The following SLC6A13 variants were observed in gnomAD, a reference collection of about 807,000 sequenced individuals.
SLC6A13 encodes the protein solute carrier family 6 member 13, also known as sodium- and chloride-dependent GABA transporter 2.
Under a neutral mutation model 72.9 loss-of-function variants are expected in SLC6A13, and 69 were observed. That is an observed-to-expected ratio of 0.95 (90% CI 0.78 to 1.16). SLC6A13 has a LOEUF of 1.16. Ranked by LOEUF, SLC6A13 falls within the 50% of genes most tolerant of loss-of-function variation. SLC6A13 has a pLI of 0.00. For missense variants in SLC6A13, 735 were observed against 760.5 expected, an observed-to-expected ratio of 0.97 and a Z score of 0.39; for synonymous variants, 303 against 303.0, an observed-to-expected ratio of 1.00 and a Z score of 0.00.
At chr12:229,130 GCA>G (rs1171383147) in intron 7 of SLC6A13, among the ~76,000 whole-genome samples, 1 of 152,192 alleles carries the variant, frequency 6.6e-6, no homozygotes, top group Admixed American at 6.5e-5. Flanking sequence ...GCAGCAAGAA[GCA>G]CAGAGGAGGA....
intron 6 of SLC6A13, among the ~76,000 whole-genome samples, chr12:236,167 A>T (rs1565496794): frequency 6.6e-6 from 1 of 152,172 alleles, no homozygotes; most frequent in Non-Finnish European, 1.5e-5. Flanking sequence ...GTTCCCTCAG[A>T]AGCATGTGAT....
chr12:240,115 T>TG (rs1942109704), intron 4 of SLC6A13, among the ~76,000 whole-genome samples: 1 of 152,154 alleles, frequency 6.6e-6, no homozygotes, highest in Non-Finnish European at 1.5e-5. Flanking sequence ...TCTGACAGGC[T>TG]GGTTGTCAAG....
intron 2 of SLC6A13, among the ~76,000 whole-genome samples, chr12:252,481 T>C (rs1228009370): frequency 6.6e-6 from 1 of 152,222 alleles, no homozygotes; most frequent in Admixed American, 6.5e-5. Flanking sequence ...ACTTTAACTA[T>C]GTGTGGTTTA....
intron 7 of SLC6A13, among the ~76,000 whole-genome samples, chr12:233,155 T>G (rs545411880): frequency 2.8e-4 from 43 of 152,298 alleles, no homozygotes; most frequent in Non-Finnish European, 4.6e-4. Flanking sequence ...GAGGAGGAGC[T>G]CTAGGTTGCA....
At chr12:251,063 G>A (rs1032499221) in intron 2 of SLC6A13, among the ~76,000 whole-genome samples, 1 of 151,804 alleles carries the variant, frequency 6.6e-6, no homozygotes, top group African/African-American at 2.4e-5. Flanking sequence ...GGCTGAGGCA[G>A]GAGAATTGCG....
chr12:226,501 G>A lies in SLC6A13; in HGVS notation c.949C>T (p.Leu317Phe), dbSNP rs145751682. 1.2e-6 allele frequency: 2 copies of A among 1,613,892 alleles called. No individual in the cohort carries two copies. The highest frequency in any genetic ancestry group is 1.7e-6 in the Non-Finnish European group (2 of 1,179,840). ...CTGGTGCCGCTGTTGAGGAAGCAGA[G>A]GGCGATGCAGTCCCTGTGGGGCAGG... Reference protein sequence around the residue: ...HNNCYRDCIALCFLNSGTSFV... With the variant: ...HNNCYRDCIAFCFLNSGTSFV... The change falls in exon 9 of 15, where the codon CTC becomes TTC. Residue 317 changes from leucine to phenylalanine, a missense_variant. Leu to Phe is a conservative substitution (Grantham distance 22). Coordinates refer to ENST00000343164, the MANE Select transcript of SLC6A13 (RefSeq NM_016615.5).
In SLC6A13 at chr12:222,638, A is replaced by G; in HGVS notation, c.1415-6T>C. On this transcript the variant is annotated splice_polypyrimidine_tract_variant and splice_region_variant and intron_variant, in intron 12 of 14. Transcript: ENST00000343164. ...GTCGTAGAAGCGCTTGGCTCCTACC[A>G]TGGAGAAAAGAAGAAGGAAGGAGGA... 6.3e-7 allele frequency: 1 copy of G among 1,587,262 alleles called. No individual in the cohort carries two copies. The highest frequency in any genetic ancestry group is 1.1e-5 in the South Asian group (1 of 88,672).
chr12:222,535 G>C lies in SLC6A13; in HGVS notation c.1512C>G (p.Cys504Trp). The stretch of plus-strand genomic sequence containing the variant: ...TTTATCCCTGAAATGATCTTACTGT[G>C]CACACAGCTGGTGTGAGGAAGAGCC... ...YCWLFLTPAV[C>W]TATFLFSLIK... is the part of the protein sequence containing the mutation. The change falls in exon 13 of 15, where the codon TGC (cysteine) becomes TGG (tryptophan). Residue 504 changes from cysteine to tryptophan, a missense_variant. Physicochemically the swap from Cys to Trp is radical, Grantham distance 215. Transcript: ENST00000343164. 1 of 1,590,850 alleles carries C rather than the reference G, an allele frequency of 6.3e-7. No homozygotes were observed. The highest frequency in any genetic ancestry group is 8.6e-7 in the Non-Finnish European group (1 of 1,161,726).
chr12:237,311 C>G, intron 5 of SLC6A13, 21 bp from the exon 6 acceptor site: 1 of 1,612,954 alleles, frequency 6.2e-7, no homozygotes, highest in Non-Finnish European at 8.5e-7. Flanking sequence ...AAGGGTTGAA[C>G]CTGGCTTACT....
rs765291098 is a variant in SLC6A13, at chr12:237,284, C to G, written c.570G>C (p.Arg190=). Residue 190 remains arginine (R), a synonymous_variant, in exon 6 of 15, where the codon CGG becomes CGC. Coordinates refer to ENST00000343164, the MANE Select transcript of SLC6A13 (RefSeq NM_016615.5). ...TSPVIEFWER[R]VLKISDGIQH... is the part of the protein sequence containing the mutation. Reference sequence around the variant, plus strand: ...GGATCCCATCAGAGATCTTCAAGACCCGCCGCCTGGGGAGAGAAGGGTTGA... The same window carrying G: ...GGATCCCATCAGAGATCTTCAAGACGCGCCGCCTGGGGAGAGAAGGGTTGA... 6.2e-7 allele frequency: 1 copy of G among 1,614,134 alleles called. No homozygotes were observed. The highest frequency in any genetic ancestry group is 1.1e-5 in the South Asian group (1 of 91,074).
chr12:234,876 T>C (rs1941862489), intron 7 of SLC6A13, among the ~76,000 whole-genome samples: 1 of 152,218 alleles, frequency 6.6e-6, no homozygotes, highest in Non-Finnish European at 1.5e-5. Flanking sequence ...AAATTCCTTC[T>C]TGTGAGAGGT....
rs761465712 is a variant in SLC6A13, at chr12:242,598, T to C, written c.478+16A>G. On this transcript the variant is annotated intron_variant, in intron 4 of 14. Transcript: ENST00000343164. ...AGAACGAGAGGAGGAAGTGGACCCTTGGGTGAGGACCATACCTGTGTTCCA... is the reference window on the plus strand; with the variant it reads ...AGAACGAGAGGAGGAAGTGGACCCTCGGGTGAGGACCATACCTGTGTTCCA... The C allele has an allele frequency of 6.2e-7, 1 of 1,610,340 alleles. No individual in the cohort carries two copies. The highest frequency in any genetic ancestry group is 1.7e-5 in the Admixed American group (1 of 59,806).
At chr12:235,289 G>A (rs1032470393) in intron 6 of SLC6A13, 65 bp from the exon 7 acceptor site, 2 of 1,570,108 alleles carry the variant, frequency 1.3e-6, no homozygotes, top group African/African-American at 2.7e-5. Context: ...CAGGAGGCAG[G>A]GGCAGGAGGC....
At chr12:249,799 A>G (rs1373792134) in intron 2 of SLC6A13, among the ~76,000 whole-genome samples, 1 of 152,188 alleles carries the variant, frequency 6.6e-6, no homozygotes, top group Non-Finnish European at 1.5e-5. Context: ...AATACATTAT[A>G]AGAAAAGAAA....
intron 4 of SLC6A13, among the ~76,000 whole-genome samples, chr12:239,987 A>AAT (rs1385455514): frequency 6.6e-6 from 1 of 152,170 alleles, no homozygotes; most frequent in East Asian, 1.9e-4. Context: ...AGAGACCCCC[A>AAT]GGCAATCCAA....
intron 2 of SLC6A13, among the ~76,000 whole-genome samples, chr12:257,855 C>A (rs976139899): frequency 6.6e-6 from 1 of 152,224 alleles, no homozygotes; most frequent in African/African-American, 2.4e-5. Flanking sequence ...CCTCTTCGTG[C>A]CATTCCTGCT....
intron 14 of SLC6A13, 113 bp downstream of exon 14, chr12:221,262 TG>T: frequency 7.6e-7 from 1 of 1,309,844 alleles, no homozygotes; most frequent in Non-Finnish European, 1.0e-6. Context: ...ACACCCAGGC[TG>T]GGCCCACTGG....
chr12:252,448 T>C (rs1444679082), intron 2 of SLC6A13, among the ~76,000 whole-genome samples: 1 of 152,254 alleles, frequency 6.6e-6, no homozygotes, highest in Non-Finnish European at 1.5e-5. Flanking sequence ...TATATACATA[T>C]GTCAAAATTT....
In SLC6A13 at chr12:220,987, G is replaced by A; in HGVS notation, c.1770C>T (p.Thr590=). 6.2e-7 allele frequency: 1 copy of A among 1,613,132 alleles called. No individual in the cohort carries two copies. Among genetic ancestry groups the A allele is most frequent in the South Asian group, 1.1e-5 (1 of 91,078 alleles). The change falls in exon 15 of 15, where the codon ACC becomes ACT. Residue 590 remains threonine, a synonymous_variant. Coordinates refer to ENST00000343164, the MANE Select transcript of SLC6A13 (RefSeq NM_016615.5). Reference sequence around the variant, plus strand: ...CTAGCTCTGTGAGTCTGAGCAGTGAGGTCCTGGGGGTGGCGGGAGCCGAGG... The same window carrying A: ...CTAGCTCTGTGAGTCTGAGCAGTGAAGTCCTGGGGGTGGCGGGAGCCGAGG... ...AGPSAPATPR[T]SLLRLTELES...
Sources: allele counts gnomAD v4.1 joint callset (sites outside exome capture counted in the v4.1 genomes callset), GRCh38; gene constraint gnomAD v4.1.1; transcripts MANE v1.5; gene names NCBI Gene and HGNC (gene_info 2026-07-23, HGNC 2026-07-21).